The following PCSK6 variants were observed in gnomAD, a reference collection of about 807,000 sequenced individuals.
PCSK6 encodes paired basic amino acid cleaving enzyme 4.
Under a neutral mutation model 123.3 loss-of-function variants are expected in PCSK6, and 85 were observed. The ratio of observed to expected loss-of-function variants is 0.69; its 90% CI spans 0.58 to 0.83. PCSK6 has a LOEUF of 0.83. Among genes scored for constraint, PCSK6 ranks in the 40% least tolerant of loss-of-function variants. The probability of loss-of-function intolerance (pLI) is 0.00; values close to 1 mark genes in which losing one functional copy is unlikely to be tolerated. For synonymous variants in PCSK6, 508 were observed against 516.0 expected (o/e 0.98, Z 0.21); for missense variants, 1,191 against 1,282.3 (o/e 0.93, Z 1.09).
intron 1 of PCSK6, among the ~76,000 whole-genome samples, chr15:101,472,054 A>C (rs1186925026): frequency 1.3e-5 from 2 of 152,120 alleles, no homozygotes; most frequent in Admixed American, 6.5e-5. Context: ...TAAATGACCC[A>C]GAAAACTCCA....
intron 19 of PCSK6, chr15:101,313,719 G>A (rs917075074): frequency 6.4e-5 from 38 of 593,236 alleles, no homozygotes; most frequent in Non-Finnish European, 9.4e-5. Flanking sequence ...CGGGGACATC[G>A]AGGCATGAGA....
At chr15:101,373,826 CAA>C (rs1166627068) in intron 11 of PCSK6, among the ~76,000 whole-genome samples, 1 of 152,214 alleles carries the variant, frequency 6.6e-6, no homozygotes, top group Non-Finnish European at 1.5e-5. Context: ...ATTTATCTTT[CAA>C]GTTAAACAAT....
intron 6 of PCSK6, among the ~76,000 whole-genome samples, chr15:101,426,203 G>A (rs2056249654): frequency 6.6e-6 from 1 of 152,196 alleles, no homozygotes; most frequent in Non-Finnish European, 1.5e-5. Flanking sequence ...ATCCCCTGCA[G>A]ACTTAGCCCA....
intron 13 of PCSK6, chr15:101,334,127 C>G (rs1304332943): frequency 6.6e-6 from 1 of 152,362 alleles, no homozygotes; most frequent in African/African-American, 2.4e-5. Context: ...AGCTCCCCCT[C>G]CCTGACACAG....
chr15:101,325,827 C>CT (rs1305256995), intron 16 of PCSK6, among the ~76,000 whole-genome samples: 2 of 152,366 alleles, frequency 1.3e-5, no homozygotes, highest in East Asian at 3.9e-4. Flanking sequence ...AACCGGGCAA[C>CT]TGGCCATATA....
chr15:101,489,356 G>A lies in PCSK6; in HGVS notation c.297+18C>T, dbSNP rs536458372. The A allele has an allele frequency of 1.7e-4, 197 of 1,144,302 alleles. 2 individuals are homozygous for A. In the East Asian group the frequency reaches 9.4e-3, roughly 55 times the overall value. 70.9% of individuals were successfully genotyped at this position (1,144,302 alleles called of 1,614,324 possible). On this transcript the variant is annotated intron_variant, in intron 1 of 21. Coordinates refer to ENST00000611716, the MANE Select transcript of PCSK6 (RefSeq NM_002570.5). ...GCCGCCGGGAAAGTTTTGGGCGCGC[G>A]GGGCCGGCCGCACTCACCTGGCCCA... is the stretch of plus-strand genomic sequence containing the variant.
At chr15:101,316,908 C>CTTTTTTTT (rs2040001564) in intron 19 of PCSK6, among the ~76,000 whole-genome samples, 13 of 91,688 alleles carry the variant, frequency 1.4e-4, no homozygotes, top group African/African-American at 6.3e-4. Context: ...AGACTTAATT[C>CTTTTTTTT]TGTTTTTTTT....
intron 1 of PCSK6, among the ~76,000 whole-genome samples, chr15:101,448,268 A>G (rs2056944735): frequency 6.6e-6 from 1 of 152,266 alleles, no homozygotes; most frequent in Non-Finnish European, 1.5e-5. Context: ...TTAGAACATC[A>G]TTACAAACCT....
In PCSK6 at chr15:101,324,921, C is replaced by T. The variant is rs201737898; in HGVS notation, c.2306G>A (p.Arg769His). 8.6e-5 allele frequency: 138 copies of T among 1,613,446 alleles called. No homozygotes were observed. Among genetic ancestry groups the T allele is most frequent in the Middle Eastern group, 3.3e-4 (2 of 6,084 alleles). The change falls in exon 17 of 22, where the codon CGC becomes CAC. Residue 769 changes from arginine to histidine, a missense_variant. By Grantham distance (29) the Arg-to-His change is conservative. Transcript: ENST00000611716. ...CATCTCCTGGTGGTGATAGAACCCGCGGCGGCAAGACAGGCACTGCGTCGC... is the reference window on the plus strand; with the variant it reads ...CATCTCCTGGTGGTGATAGAACCCGTGGCGGCAAGACAGGCACTGCGTCGC... ...RAATQCLSCR[R>H]GFYHHQEMNT...
chr15:101,366,499 A>G (rs777456210), intron 12 of PCSK6, among the ~76,000 whole-genome samples, 167 bp from the exon 13 acceptor site: 4 of 152,138 alleles, frequency 2.6e-5, no homozygotes, highest in Non-Finnish European at 4.4e-5. Flanking sequence ...GGGCACAGTG[A>G]AATGTGATCG....
chr15:101,380,365 C>G (rs556032450), intron 11 of PCSK6, among the ~76,000 whole-genome samples: 1 of 152,350 alleles, frequency 6.6e-6, no homozygotes, highest in South Asian at 2.1e-4. Flanking sequence ...GGGCAGAGGG[C>G]AGCCCCCAGG....
chr15:101,413,033 G>GAGGAGA (rs2055758050), intron 6 of PCSK6, among the ~76,000 whole-genome samples: 1 of 150,952 alleles, frequency 6.6e-6, no homozygotes. Flanking sequence ...GGAGGAGGAG[G>GAGGAGA]AGGAGGAGGA....
chr15:101,443,685 A>G (rs1229317474), intron 1 of PCSK6, 25 bp from the exon 2 acceptor site: 2 of 1,531,316 alleles, frequency 1.3e-6, no homozygotes, highest in Admixed American at 3.3e-5. Flanking sequence ...GCAGAATGCC[A>G]TCAATTAATA....
At chr15:101,320,196 C>T (rs753789083) in intron 18 of PCSK6, among the ~76,000 whole-genome samples, 1 of 152,328 alleles carries the variant, frequency 6.6e-6, no homozygotes, top group East Asian at 1.9e-4. Flanking sequence ...AGCGATTCTC[C>T]TGCCTCAGCC....
At chr15:101,317,680 C>G (rs887825698) in intron 19 of PCSK6, among the ~76,000 whole-genome samples, 1 of 152,200 alleles carries the variant, frequency 6.6e-6, no homozygotes, top group Non-Finnish European at 1.5e-5. Context: ...GAGCTGAGCT[C>G]TGAGACAAGA....
chr15:101,370,203 G>T, intron 12 of PCSK6, 132 bp downstream of exon 12: 2 of 670,660 alleles, frequency 3.0e-6, no homozygotes, highest in Non-Finnish European at 4.4e-6. Flanking sequence ...GAAGCTGCCA[G>T]CAGAACCAGT....
At chr15:101,363,785 T>A (rs933485090) in intron 13 of PCSK6, among the ~76,000 whole-genome samples, 2 of 149,670 alleles carry the variant, frequency 1.3e-5, no homozygotes, top group African/African-American at 2.5e-5. Flanking sequence ...GCCTGCCACC[T>A]TGCCTGGCTA....
chr15:101,432,174 T>C, intron 2 of PCSK6, 74 bp from the exon 3 acceptor site: 1 of 1,226,340 alleles, frequency 8.2e-7, no homozygotes, highest in Non-Finnish European at 1.2e-6. Context: ...TTGCAGGTGC[T>C]ACAGCCTTCC....
chr15:101,405,752 T>C (rs913796228), intron 6 of PCSK6, among the ~76,000 whole-genome samples: 1 of 148,754 alleles, frequency 6.7e-6, no homozygotes, highest in African/African-American at 2.4e-5. Context: ...CTGCTTCTAA[T>C]TTTTTTTTTC....
Sources: gnomAD v4.1 joint callset for allele counts (sites outside exome capture counted in the v4.1 genomes callset) on GRCh38, gnomAD v4.1.1 for gene constraint, MANE v1.5 for transcripts, NCBI Gene and HGNC (gene_info 2026-07-23, HGNC 2026-07-21) for gene names.